The following TADA2A variants were observed in gnomAD, a reference collection of about 807,000 sequenced individuals.
The protein encoded by TADA2A is transcriptional adaptor 2A.
TADA2A carries 38 observed loss-of-function variants against 67.4 expected under a neutral mutation model. The observed-to-expected ratio is 0.56, with a 90% CI of 0.44 to 0.74. The LOEUF is 0.74. Ranked by LOEUF, TADA2A falls within the 30% of genes least tolerant of loss-of-function variation. The pLI is 0.00. For missense variants in TADA2A, 454 were observed against 547.0 expected (o/e 0.83, Z 1.70); for synonymous variants, 192 against 181.6 (o/e 1.06, Z -0.46).
chr17:37,459,867 A>G (rs994524811), intron 9 of TADA2A, among the ~76,000 whole-genome samples: 1 of 151,314 alleles, frequency 6.6e-6, no homozygotes, highest in South Asian at 2.1e-4. Flanking sequence ...GGAGTTCAAG[A>G]CCAGCCTGAC....
rs1175900996 is a variant in TADA2A at position 37,470,505 on chromosome 17, A to T, written c.1001A>T (p.Gln334Leu). Residue 334 changes from glutamine (Q) to leucine (L), a missense_variant, in exon 13 of 16, where the codon CAG becomes CTG. Physicochemically the swap from Gln to Leu is moderately radical, Grantham distance 113. Coordinates refer to ENST00000615182, the MANE Select transcript of TADA2A (RefSeq NM_001166105.3). ...LQYIQDSSAC[Q>L]QWLRRQADID... ...TATATCCAGGACAGTAGTGCTTGCCAGCAGTGGCTCCGCCGGCAAGCTGAC... is the reference window on the plus strand; with the variant it reads ...TATATCCAGGACAGTAGTGCTTGCCTGCAGTGGCTCCGCCGGCAAGCTGAC... The T allele has an allele frequency of 1.3e-6, 2 of 1,583,238 alleles. No individual in the cohort carries two copies. Among genetic ancestry groups the T allele is most frequent in the Admixed American group, 3.8e-5 (2 of 53,056 alleles).
intron 8 of TADA2A, among the ~76,000 whole-genome samples, chr17:37,456,983 G>A (rs1166487635): frequency 6.6e-6 from 1 of 152,084 alleles, no homozygotes; most frequent in Non-Finnish European, 1.5e-5. Flanking sequence ...AAACCAAGCA[G>A]GGCTTTTACA....
chr17:37,418,425 G>A (rs761465420), intron 2 of TADA2A, among the ~76,000 whole-genome samples: 20 of 152,006 alleles, frequency 1.3e-4, no homozygotes, highest in Non-Finnish European at 2.9e-4. Flanking sequence ...TTTCCAAATG[G>A]CTCCCTAGGG....
chr17:37,437,722 A>C lies in TADA2A; in HGVS notation c.193-16A>C, dbSNP rs761810057. 7 of 1,612,988 alleles carry C rather than the reference A, an allele frequency of 4.3e-6. No homozygotes were observed. ...ATTTGTATCTCTGTTCTTAAGCAAAACTTTTTTCTCCTTAGACTTCAGATT... is the reference window on the plus strand; with the variant it reads ...ATTTGTATCTCTGTTCTTAAGCAAACCTTTTTTCTCCTTAGACTTCAGATT... On this transcript the variant is annotated splice_polypyrimidine_tract_variant and intron_variant, in intron 4 of 15. Transcript: ENST00000615182.
At chr17:37,445,125 A>T (rs554517622) in intron 8 of TADA2A, among the ~76,000 whole-genome samples, 1 of 152,212 alleles carries the variant, frequency 6.6e-6, no homozygotes, top group Non-Finnish European at 1.5e-5. Context: ...AGCAACTGCT[A>T]TCACTAAATG....
intron 4 of TADA2A, among the ~76,000 whole-genome samples, chr17:37,433,988 C>T (rs1259376532): frequency 6.6e-6 from 1 of 151,702 alleles, no homozygotes; most frequent in Non-Finnish European, 1.5e-5. Context: ...AAGAAATGAA[C>T]ATTACTACAA....
Position 37,426,949 on chromosome 17 carries a change from G to C in TADA2A, c.133-1G>C. 6.3e-7 allele frequency: 1 copy of C among 1,596,350 alleles called. No homozygotes were observed. Among genetic ancestry groups the C allele is most frequent in the Non-Finnish European group, 8.5e-7 (1 of 1,174,826 alleles). ...CTAATTTAATTTTTCTTTCTTTGCA[G>C]TGTTTCACTCGAGGCTTTGAGTACA... On this transcript the variant is annotated splice_acceptor_variant, in intron 3 of 15. Transcript: ENST00000615182. LOFTEE classifies it high-confidence loss of function.
chr17:37,440,203 A>G (rs954376075), intron 5 of TADA2A, among the ~76,000 whole-genome samples: 1 of 151,858 alleles, frequency 6.6e-6, no homozygotes, highest in Non-Finnish European at 1.5e-5. Flanking sequence ...TACCTCCCAA[A>G]GTGCTGGGAT....
In TADA2A at chr17:37,470,412, A is replaced by ACGATCAC; in HGVS notation, c.910_916dup (p.Leu306ArgfsTer13). Reference sequence around the variant, plus strand: ...TCTATACCCCCAGGTGCCAGAACCTACGATCACCTCAAGAAGACACGGGAG... The same window carrying ACGATCAC: ...TCTATACCCCCAGGTGCCAGAACCTACGATCACCGATCACCTCAAGAAGACACGGGAG... On this transcript the variant is annotated frameshift_variant, in exon 13 of 16. Transcript: ENST00000615182. LOFTEE classifies it high-confidence loss of function. The ACGATCAC allele has an allele frequency of 6.2e-7, 1 of 1,613,818 alleles. No individual in the cohort carries two copies. The highest frequency in any genetic ancestry group is 8.5e-7 in the Non-Finnish European group (1 of 1,179,902).
chr17:37,455,739 A>T (rs936418380), intron 8 of TADA2A, among the ~76,000 whole-genome samples: 14 of 152,170 alleles, frequency 9.2e-5, no homozygotes, highest in Non-Finnish European at 1.8e-4. Context: ...TTTAGAATAT[A>T]GCATAAACAC....
intron 4 of TADA2A, among the ~76,000 whole-genome samples, chr17:37,428,566 T>A (rs1354769490): frequency 6.6e-6 from 1 of 152,168 alleles, no homozygotes; most frequent in Non-Finnish European, 1.5e-5. Flanking sequence ...GCTGAATCTT[T>A]ATGAGTGATT....
Position 37,459,590 on chromosome 17 carries a change from T to TG in TADA2A, c.668+1003_668+1004insG, listed in dbSNP as rs566724760. Among the ~76,000 whole-genome samples, 121 of 146,156 alleles carry TG rather than the reference T, an allele frequency of 8.3e-4. 1 individual carries two copies. In the Middle Eastern group the frequency reaches 0.014, roughly 17 times the overall value. ...GAGCCACCGTGTTCAACCTTTTTTT[T>TG]TTTTTGTTAAATAAGAGACAGAGTC... is the stretch of plus-strand genomic sequence containing the variant. On this transcript the variant is annotated intron_variant, in intron 9 of 15. Coordinates refer to ENST00000615182, the MANE Select transcript of TADA2A (RefSeq NM_001166105.3).
chr17:37,473,114 C>G (rs1456694806), intron 14 of TADA2A, among the ~76,000 whole-genome samples: 1 of 144,198 alleles, frequency 6.9e-6, no homozygotes, highest in African/African-American at 2.5e-5. Context: ...TGAATGCCAC[C>G]AAACCTGGAG....
At chr17:37,442,198 CTT>C (rs760306260) in intron 6 of TADA2A, among the ~76,000 whole-genome samples, 6 of 75,410 alleles carry the variant, frequency 8.0e-5, no homozygotes, top group Admixed American at 2.6e-4. Flanking sequence ...TTTTTCCCGT[CTT>C]TTTTTTTTTT....
chr17:37,419,212 C>T (rs972305782), intron 2 of TADA2A, among the ~76,000 whole-genome samples: 1 of 144,722 alleles, frequency 6.9e-6, no homozygotes, highest in Admixed American at 7.0e-5. Flanking sequence ...GCTTTCTTAC[C>T]CAGGCTGGAG....
intron 8 of TADA2A, among the ~76,000 whole-genome samples, chr17:37,455,892 A>G (rs1046036420): frequency 6.6e-6 from 1 of 150,506 alleles, no homozygotes; most frequent in African/African-American, 2.4e-5. Context: ...TGTATAGGGC[A>G]TATGCGGGAG....
Position 37,470,474 on chromosome 17 carries a change from C to A in TADA2A, c.970C>A (p.Leu324Ile), listed in dbSNP as rs1337284206. 6.2e-7 allele frequency: 1 copy of A among 1,612,172 alleles called. No homozygotes were observed. The highest frequency in any genetic ancestry group is 8.5e-7 in the Non-Finnish European group (1 of 1,179,388). The change falls in exon 13 of 16, where the codon CTC (leucine) becomes ATC (isoleucine). Residue 324 changes from leucine (L) to isoleucine (I), a missense_variant. By Grantham distance (5) the Leu-to-Ile change is conservative. Around this residue, in one of 2 missense-constraint regions of TADA2A, gnomAD observed 403 missense variants for 455.5 expected, o/e 0.88. Coordinates refer to ENST00000615182, the MANE Select transcript of TADA2A (RefSeq NM_001166105.3). ...RLKRTMLSEVLQYIQDSSACQ... is the reference protein window; with the variant it reads ...RLKRTMLSEVIQYIQDSSACQ... ...TAAACGCACTATGCTCTCAGAAGTT[C>A]TCCAGTATATCCAGGACAGTAGTGC...
chr17:37,437,616 A>AC, intron 4 of TADA2A, 122 bp from the exon 5 acceptor site: 1 of 752,250 alleles, frequency 1.3e-6, no homozygotes, highest in Non-Finnish European at 2.2e-6. Context: ...CGAACTCCTG[A>AC]CCTCAGGTGA....
At chr17:37,442,372 C>T (rs1260004973) in intron 6 of TADA2A, among the ~76,000 whole-genome samples, 192 bp from the exon 7 acceptor site, 1 of 151,652 alleles carries the variant, frequency 6.6e-6, no homozygotes, top group East Asian at 1.9e-4. Flanking sequence ...AAGAAATTTC[C>T]CCATATTTAC....
Sources: gnomAD v4.1 joint callset for allele counts (sites outside exome capture counted in the v4.1 genomes callset) on GRCh38, gnomAD v4.1.1 for gene constraint, gnomAD v4.1.1 regional missense constraint, MANE v1.5 for transcripts, NCBI Gene and HGNC (gene_info 2026-07-23, HGNC 2026-07-21) for gene names.